CD47: variants seen among roughly 807,000 people sequenced by gnomAD.
The protein encoded by CD47 is CD47 molecule, also known as leukocyte surface antigen CD47.
In CD47, 11 loss-of-function variants were observed where a neutral mutation model predicts 44.6. The ratio of observed to expected loss-of-function variants is 0.25; its 90% CI spans 0.16 to 0.41. The LOEUF (loss-of-function observed/expected upper bound fraction) is 0.41, where lower values mean the gene tolerates loss of function less well. CD47 is among the 10% of genes least tolerant of loss of function. The probability of loss-of-function intolerance (pLI) is 1.00; values close to 1 mark genes in which losing one functional copy is unlikely to be tolerated. For missense variants in CD47, 306 were observed against 386.7 expected (o/e 0.79, Z 1.75); for synonymous variants, 140 against 136.3 (o/e 1.03, Z -0.19).
chr3:108,053,405 G>C (rs2078862106), intron 7 of CD47: 1 of 152,528 alleles, frequency 6.6e-6, no homozygotes, highest in African/African-American at 2.4e-5. Context: ...GTGATGGGAA[G>C]GGAAAGTGAA....
At chr3:108,064,800 A>C (rs1248574637) in intron 3 of CD47, among the ~76,000 whole-genome samples, 1 of 152,232 alleles carries the variant, frequency 6.6e-6, no homozygotes, top group Non-Finnish European at 1.5e-5. Flanking sequence ...TTTCATTATT[A>C]CAGTGCTGTT....
intron 8 of CD47, chr3:108,050,888 A>C: frequency 2.4e-6 from 1 of 408,834 alleles, no homozygotes; most frequent in Non-Finnish European, 4.8e-6. Flanking sequence ...AACTTCTAAA[A>C]ATATGAAAGT....
At chr3:108,058,208 A>T in intron 6 of CD47, 129 bp downstream of exon 6, 1 of 524,112 alleles carries the variant, frequency 1.9e-6, no homozygotes, top group Non-Finnish European at 3.3e-6. Context: ...TTTTGCCATG[A>T]ACCAAAAACT....
At chr3:108,059,639 A>G in intron 4 of CD47, 95 bp from the exon 5 acceptor site, 3 of 542,916 alleles carry the variant, frequency 5.5e-6, no homozygotes, top group Non-Finnish European at 9.2e-6. Flanking sequence ...AAATTTTAAA[A>G]ATATACGTTT....
chr3:108,059,873 C>T (rs866462754), intron 4 of CD47, among the ~76,000 whole-genome samples: 1 of 152,156 alleles, frequency 6.6e-6, no homozygotes, highest in Admixed American at 6.6e-5. Flanking sequence ...ATTGTTCCTT[C>T]AAGTTGTCTT....
intron 3 of CD47, among the ~76,000 whole-genome samples, chr3:108,063,270 G>GA (rs987408148): frequency 6.6e-6 from 1 of 152,074 alleles, no homozygotes; most frequent in African/African-American, 2.4e-5. Flanking sequence ...TCCCAAGTGT[G>GA]AAAAAATCTG....
intron 1 of CD47, among the ~76,000 whole-genome samples, chr3:108,085,686 G>A (rs564122764): frequency 2.6e-5 from 4 of 152,294 alleles, no homozygotes; most frequent in African/African-American, 9.6e-5. Flanking sequence ...TCCAGGCTCA[G>A]AAAGTAAGAC....
intron 10 of CD47, 36 bp from the exon 11 acceptor site, chr3:108,047,328 C>T (rs781436044): frequency 4.9e-5 from 76 of 1,555,456 alleles, no homozygotes; most frequent in Non-Finnish European, 6.1e-5. Context: ...AATCACTATT[C>T]GTGTCTATTT....
chr3:108,060,051 T>G (rs1203947696), intron 4 of CD47, among the ~76,000 whole-genome samples: 1 of 152,202 alleles, frequency 6.6e-6, no homozygotes, highest in Non-Finnish European at 1.5e-5. Context: ...TCTTTACATG[T>G]GCTACATATC....
At chr3:108,074,762 G>A (rs2079277119) in intron 2 of CD47, among the ~76,000 whole-genome samples, 1 of 151,144 alleles carries the variant, frequency 6.6e-6, no homozygotes, top group African/African-American at 2.4e-5. Context: ...CTCTCAGTTT[G>A]AAATCACTGC....
intron 1 of CD47, among the ~76,000 whole-genome samples, chr3:108,086,524 A>T (rs1489741939): frequency 6.6e-6 from 1 of 152,182 alleles, no homozygotes; most frequent in Non-Finnish European, 1.5e-5. Flanking sequence ...TTTGGGGAGA[A>T]TATCTTTCCA....
chr3:108,064,206 C>T (rs756089598), intron 3 of CD47, among the ~76,000 whole-genome samples: 27 of 152,220 alleles, frequency 1.8e-4, no homozygotes, highest in Middle Eastern at 3.4e-3. Context: ...ACAGTGAACA[C>T]GAAAAGCAAA....
Position 108,080,256 on chromosome 3 carries a change from A to T in CD47, c.135T>A (p.Asn45Lys). 2 of 1,611,570 alleles carry T rather than the reference A, an allele frequency of 1.2e-6. No individual in the cohort carries two copies. The highest frequency in any genetic ancestry group is 1.7e-6 in the Non-Finnish European group (2 of 1,177,920). ...DTVVIPCFVT[N>K]MEAQNTTEVY... is the part of the protein sequence containing the mutation. The stretch of plus-strand genomic sequence containing the variant: ...CTTCAGTAGTGTTTTGTGCCTCCAT[A>T]TTAGTAACAAAGCATGGAATGACGA... Residue 45 changes from asparagine (N) to lysine (K), a missense_variant, in exon 2 of 11, where the codon AAT becomes AAA. Asn to Lys is a moderately conservative substitution (Grantham distance 94). This residue lies in a region of CD47 where 25 missense variants were observed against 52.7 expected (regional missense o/e 0.47). Coordinates refer to ENST00000361309, the MANE Select transcript of CD47 (RefSeq NM_001777.4).
intron 1 of CD47, among the ~76,000 whole-genome samples, chr3:108,081,082 G>A (rs2079409337): frequency 6.6e-6 from 1 of 151,838 alleles, no homozygotes; most frequent in African/African-American, 2.4e-5. Flanking sequence ...TGTATATTAT[G>A]GGTATTCTTC....
chr3:108,085,857 AC>A, intron 1 of CD47, among the ~76,000 whole-genome samples: 1 of 152,064 alleles, frequency 6.6e-6, no homozygotes, highest in East Asian at 1.9e-4. Context: ...TTTCAAGAGA[AC>A]CTGCCACTGC....
At position 108,090,776 on chromosome 3, in the gene CD47, C is replaced by T. The variant is rs1022725261; in HGVS notation, c.46+87G>A. ...TGCGCCCCGGCCACCCTCTTCAGGG[C>T]GCCGCCGGGCTGGCTGGGGCGCAGC... is the stretch of plus-strand genomic sequence containing the variant. On this transcript the variant is annotated intron_variant, in intron 1 of 10. Coordinates refer to ENST00000361309, the MANE Select transcript of CD47 (RefSeq NM_001777.4). 13 of 1,258,022 alleles carry T rather than the reference C, an allele frequency of 1.0e-5. No individual in the cohort carries two copies. In the Admixed American group the frequency reaches 2.4e-4, roughly 23 times the overall value. The allele number at this position is 1,258,022 out of a possible 1,614,324, so 77.9% of individuals were successfully genotyped here.
chr3:108,087,914 A>G (rs369541022), intron 1 of CD47, among the ~76,000 whole-genome samples: 2 of 152,168 alleles, frequency 1.3e-5, no homozygotes, highest in African/African-American at 2.4e-5. Context: ...GGTGCTCTGT[A>G]TTTTCTACTT....
At position 108,059,474 on chromosome 3, in the gene CD47, A is replaced by G; in HGVS notation, c.669T>C (p.Leu223=). ...CACCTGTACTAAACACATAGTAGTG[A>G]AGTAATATTAATATCCCTGTAGAAG... ...IVTSTGILIL[L]HYYVFSTAIG... Residue 223 remains leucine (L), a synonymous_variant, in exon 5 of 11, where the codon CTT becomes CTC. Transcript: ENST00000361309. 6.6e-7 allele frequency: 1 copy of G among 1,509,756 alleles called. No homozygotes were observed. Among genetic ancestry groups the G allele is most frequent in the Non-Finnish European group, 9.0e-7 (1 of 1,114,682 alleles). 93.5% of individuals were successfully genotyped at this position (1,509,756 alleles called of 1,614,324 possible).
intron 3 of CD47, among the ~76,000 whole-genome samples, chr3:108,064,018 C>G (rs1291264826): frequency 1.3e-5 from 2 of 152,160 alleles, no homozygotes; most frequent in Non-Finnish European, 2.9e-5. Flanking sequence ...CAAAAGCAGG[C>G]TACTTCTAAG....
Sources: gnomAD v4.1 joint callset for allele counts (sites outside exome capture counted in the v4.1 genomes callset) on GRCh38, gnomAD v4.1.1 for gene constraint, gnomAD v4.1.1 regional missense constraint, MANE v1.5 for transcripts, NCBI Gene and HGNC (gene_info 2026-07-23, HGNC 2026-07-21) for gene names.